SPAST: variants seen among roughly 807,000 people sequenced by gnomAD.
SPAST encodes spastic paraplegia 4 (autosomal dominant; spastin).
A neutral mutation model predicts 76.6 loss-of-function variants in SPAST; 30 were observed. That is an observed-to-expected ratio of 0.39 (90% confidence interval 0.29 to 0.53). SPAST has a LOEUF of 0.53. Ranked by LOEUF, SPAST falls within the 20% of genes least tolerant of loss-of-function variation. The pLI, the probability that SPAST is intolerant of heterozygous loss-of-function variation, is 0.68. For missense variants in SPAST, 717 were observed against 770.5 expected (o/e 0.93, Z 0.82); for synonymous variants, 305 against 281.0 (o/e 1.09, Z -0.86).
intron 14 of SPAST, among the ~76,000 whole-genome samples, 171 bp from the exon 15 acceptor site, chr2:32,144,766 A>G (rs943036861): frequency 2.0e-5 from 3 of 152,114 alleles, no homozygotes; most frequent in African/African-American, 7.2e-5. Context: ...GCGCATGCCT[A>G]TAATCCCAGC....
chr2:32,106,886 A>C (rs1284775677), intron 4 of SPAST, among the ~76,000 whole-genome samples: 1 of 149,728 alleles, frequency 6.7e-6, no homozygotes, highest in East Asian at 1.9e-4. Context: ...GAAGGCACTT[A>C]CTGAAAAAAA....
At chr2:32,143,948 T>C (rs1057094118) in intron 14 of SPAST, among the ~76,000 whole-genome samples, 27 of 152,220 alleles carry the variant, frequency 1.8e-4, no homozygotes, top group African/African-American at 6.3e-4. Flanking sequence ...TGCTGAATAC[T>C]TTTCAGCTCT....
At chr2:32,145,928 G>A (rs1221942973) in intron 15 of SPAST, among the ~76,000 whole-genome samples, 1 of 152,154 alleles carries the variant, frequency 6.6e-6, no homozygotes, top group Non-Finnish European at 1.5e-5. Flanking sequence ...AGTTGTACGA[G>A]AAAGATGTTA....
intron 4 of SPAST, among the ~76,000 whole-genome samples, chr2:32,113,580 T>G (rs1205999313): frequency 6.8e-6 from 1 of 147,416 alleles, no homozygotes; most frequent in Non-Finnish European, 1.5e-5. Flanking sequence ...TTTTTTTTTT[T>G]TTTGAGACAG....
intron 7 of SPAST, 48 bp from the exon 8 acceptor site, chr2:32,126,900 A>C (rs1335825039): frequency 2.2e-6 from 3 of 1,338,322 alleles, no homozygotes; most frequent in African/African-American, 2.9e-5. Flanking sequence ...AAGAGTACTT[A>C]AAATGTCTCT....
chr2:32,113,932 GTTTT>G (rs1263188778), intron 4 of SPAST, among the ~76,000 whole-genome samples: 3 of 150,648 alleles, frequency 2.0e-5, no homozygotes, highest in Non-Finnish European at 4.4e-5. Context: ...TAAAAATACT[GTTTT>G]TTGTTTTTTT....
chr2:32,064,325 T>G (rs1010947737), intron 1 of SPAST, 79 bp downstream of exon 1: 9 of 1,307,070 alleles, frequency 6.9e-6, no homozygotes, highest in Admixed American at 6.2e-5. Flanking sequence ...AACACCTGCG[T>G]CCCTTTTCTG....
chr2:32,154,271 A>T, intron 16 of SPAST, 103 bp from the exon 17 acceptor site: 1 of 1,003,060 alleles, frequency 1.0e-6, no homozygotes, highest in Non-Finnish European at 1.5e-6. Flanking sequence ...TATATTTTTT[A>T]TAACATTAAG....
rs1676379533 is a variant in SPAST, at chr2:32,063,778, T to C, written c.-54T>C. 6.5e-7 allele frequency: 1 copy of C among 1,537,510 alleles called. No individual in the cohort carries two copies. The highest frequency in any genetic ancestry group is 8.7e-7 in the Non-Finnish European group (1 of 1,149,490). ...GCAGTGGCTGCCGCCGTCGCTTGGT[T>C]CCCGTCGGTCTGCGGGAGGCGGGTT... On this transcript the variant is annotated 5_prime_UTR_variant, in exon 1 of 17. Transcript: ENST00000315285.
intron 1 of SPAST, among the ~76,000 whole-genome samples, chr2:32,075,879 G>T (rs909559424): frequency 1.6e-3 from 149 of 91,950 alleles, no homozygotes; most frequent in East Asian, 0.011. Flanking sequence ...TTTTTTTAAT[G>T]AAAAATTCAA....
At chr2:32,072,173 G>A (rs1375673126) in intron 1 of SPAST, among the ~76,000 whole-genome samples, 1 of 151,866 alleles carries the variant, frequency 6.6e-6, no homozygotes, top group Middle Eastern at 3.2e-3. Context: ...CTCCTGAGTA[G>A]CTGGGACTAC....
rs539996220 is a variant in SPAST, at chr2:32,115,214, C to T, written c.870+389C>T. 3.9e-5 allele frequency among the ~76,000 whole-genome samples: 6 copies of T among 152,240 alleles called. No individual in the cohort carries two copies. The East Asian group carries it at 9.6e-4, about 24-fold the overall frequency. On this transcript the variant is annotated intron_variant, in intron 5 of 16. Coordinates refer to ENST00000315285, the MANE Select transcript of SPAST (RefSeq NM_014946.4). ...CCGCCTGCCTCAGCCTCCCAAAGTA[C>T]TGGGATTACAGGCGTGAGCCACCGT...
rs749341852 is a variant in SPAST at position 32,107,074 on chromosome 2, A to T, written c.683-7564A>T. Reference sequence around the variant, plus strand: ...TCTTTTATTTCATTTCACATGCTAGACCCCATCATGTTTTCCTGCTGCATT... The same window carrying T: ...TCTTTTATTTCATTTCACATGCTAGTCCCCATCATGTTTTCCTGCTGCATT... On this transcript the variant is annotated intron_variant, in intron 4 of 16. Coordinates refer to ENST00000315285, the MANE Select transcript of SPAST (RefSeq NM_014946.4). 2.6e-5 allele frequency among the ~76,000 whole-genome samples: 4 copies of T among 151,850 alleles called. 1 individual carries two copies. The highest frequency in any genetic ancestry group is 5.9e-5 in the Non-Finnish European group (4 of 67,968).
chr2:32,088,803 T>G (rs2148710024), intron 2 of SPAST, among the ~76,000 whole-genome samples: 1 of 152,322 alleles, frequency 6.6e-6, no homozygotes, highest in Non-Finnish European at 1.5e-5. Flanking sequence ...TTAGTTTTAT[T>G]TAGATATGGT....
chr2:32,094,839 C>T (rs1161458216), intron 3 of SPAST, among the ~76,000 whole-genome samples: 1 of 152,182 alleles, frequency 6.6e-6, no homozygotes, highest in Non-Finnish European at 1.5e-5. Context: ...GTGTGGTGGC[C>T]ATGCTTGTAA....
chr2:32,124,807 A>G lies in SPAST; in HGVS notation c.1099-2141A>G, dbSNP rs547183998. Among the ~76,000 whole-genome samples the G allele has an allele frequency of 9.8e-4, 150 of 152,350 alleles. 1 individual carries two copies. Among genetic ancestry groups the G allele is most frequent in the African/African-American group, 3.6e-3 (148 of 41,590 alleles). ...AGCCAGTCTGAAGAGGCTACACTAT[A>G]GGATTCTGACTATATGATGTTTTGG... On this transcript the variant is annotated intron_variant, in intron 7 of 16. Transcript: ENST00000315285.
chr2:32,065,711 G>A (rs1056996592), intron 1 of SPAST, among the ~76,000 whole-genome samples: 6 of 152,136 alleles, frequency 3.9e-5, no homozygotes, highest in African/African-American at 1.4e-4. Flanking sequence ...TTGTCCATTA[G>A]TGAAAACAGA....
intron 1 of SPAST, among the ~76,000 whole-genome samples, chr2:32,072,204 A>G (rs4952205): frequency 0.42 from 63,953 of 151,496 alleles, 13,775 homozygotes; most frequent in East Asian, 0.64. Flanking sequence ...CACCATGCCC[A>G]GCTATTTTTT....
At chr2:32,111,661 C>G (rs1678613852) in intron 4 of SPAST, among the ~76,000 whole-genome samples, 1 of 149,974 alleles carries the variant, frequency 6.7e-6, no homozygotes, top group South Asian at 2.1e-4. Context: ...TAGGTATATA[C>G]TCTTTTCTCT....
Sources: allele counts gnomAD v4.1 joint callset (sites outside exome capture counted in the v4.1 genomes callset), GRCh38; gene constraint gnomAD v4.1.1; transcripts MANE v1.5; gene names NCBI Gene and HGNC (gene_info 2026-07-23, HGNC 2026-07-21).